Variants in EPHA5 observed in about 807,000 individuals in gnomAD.
EPHA5 encodes EPH receptor A5.
Under a neutral mutation model 105.0 loss-of-function variants are expected in EPHA5, and 60 were observed. That is an observed-to-expected ratio of 0.57 (90% CI 0.46 to 0.71). The LOEUF is 0.71. Ranked by LOEUF, EPHA5 falls within the 30% of genes least tolerant of loss-of-function variation. The pLI, the probability that EPHA5 is intolerant of heterozygous loss-of-function variation, is 0.00. For missense variants in EPHA5, 1,218 were observed against 1,274.7 expected (o/e 0.96, Z 0.68); for synonymous variants, 513 against 449.1 (o/e 1.14, Z -1.80).
At chr4:65,504,048 CATAA>C (rs1260575285) in intron 3 of EPHA5, among the ~76,000 whole-genome samples, 14 of 150,842 alleles carry the variant, frequency 9.3e-5, no homozygotes, top group African/African-American at 1.2e-4. Context: ...TAAATAAAAT[CATAA>C]ATAAAATAAA....
chr4:65,480,866 C>CGTT, intron 5 of EPHA5, among the ~76,000 whole-genome samples: 1 of 93,274 alleles, frequency 1.1e-5, no homozygotes, highest in African/African-American at 3.0e-5. Flanking sequence ...AGAATACAAA[C>CGTT]ATTAATAATA....
At position 65,477,090 on chromosome 4, in the gene EPHA5, A is replaced by G. The variant is rs74566418; in HGVS notation, c.1402+13287T>C. Among the ~76,000 whole-genome samples, 157 of 152,332 alleles carry G rather than the reference A, an allele frequency of 1.0e-3. 2 individuals are homozygous for G. In the East Asian group the frequency reaches 0.029, roughly 28 times the overall value. ...TGGTAAGAACTGTTGTGCTCCTAAG[A>G]AAAGATTCCAGAAAAATAGACAACA... On this transcript the variant is annotated intron_variant, in intron 5 of 16. Transcript: ENST00000613740.
At chr4:65,375,540 C>G (rs1434850347) in intron 8 of EPHA5, among the ~76,000 whole-genome samples, 2 of 151,772 alleles carry the variant, frequency 1.3e-5, no homozygotes, top group Non-Finnish European at 2.9e-5. Flanking sequence ...TTCAATCTGG[C>G]CAAAGCTAGC....
At chr4:65,574,639 TAC>T (rs1392913833) in intron 3 of EPHA5, among the ~76,000 whole-genome samples, 1,438 of 116,672 alleles carry the variant, frequency 0.012, 8 homozygotes, top group Non-Finnish European at 0.015. Context: ...CATATATATA[TAC>T]ACATATATAT....
chr4:65,546,619 A>G (rs1737398378), intron 3 of EPHA5, among the ~76,000 whole-genome samples: 2 of 151,962 alleles, frequency 1.3e-5, no homozygotes, highest in South Asian at 4.1e-4. Flanking sequence ...TTATAATTCC[A>G]GTTTTCTAAT....
At position 65,331,341 on chromosome 4, in the gene EPHA5, A is replaced by T. The variant is rs1041704322; in HGVS notation, c.2945+632T>A. 6.4e-5 allele frequency: 66 copies of T among 1,037,380 alleles called. No homozygotes were observed. In the African/African-American group the frequency reaches 1.1e-3, roughly 17 times the overall value. 64.3% of individuals were successfully genotyped at this position (1,037,380 alleles called of 1,614,324 possible). A position where few individuals can be genotyped will look rare whatever the true frequency, so the allele number is the denominator to read the frequency against. ...AAGAACTTAATATTTAACTCTAGTG[A>T]TTTTTATTTAATAAGGTTTGATAAA... On this transcript the variant is annotated intron_variant, in intron 16 of 16. Transcript: ENST00000613740.
intron 12 of EPHA5, among the ~76,000 whole-genome samples, chr4:65,352,140 A>T (rs1722877438): frequency 6.6e-6 from 1 of 152,018 alleles, no homozygotes; most frequent in African/African-American, 2.4e-5. Context: ...ATAAGGCTCA[A>T]TGGATGGCTA....
At chr4:65,359,205 C>T (rs1377503215) in intron 11 of EPHA5, among the ~76,000 whole-genome samples, 4 of 151,330 alleles carry the variant, frequency 2.6e-5, no homozygotes, top group African/African-American at 4.8e-5. Context: ...TTTTAGTGTA[C>T]GTGTATTTAT....
intron 13 of EPHA5, among the ~76,000 whole-genome samples, chr4:65,348,941 G>A (rs1484215735): frequency 2.0e-5 from 3 of 147,014 alleles, no homozygotes; most frequent in Non-Finnish European, 1.5e-5. Flanking sequence ...TCAGCCTCCC[G>A]AGTAGCTGGG....
At chr4:65,393,638 G>A (rs753585760) in intron 8 of EPHA5, among the ~76,000 whole-genome samples, 5 of 152,132 alleles carry the variant, frequency 3.3e-5, no homozygotes, top group Non-Finnish European at 5.9e-5. Context: ...CTTGAATTAT[G>A]TCTCAATTGC....
chr4:65,637,422 T>C lies in EPHA5; in HGVS notation c.246+5941A>G, dbSNP rs1308333330. Among the ~76,000 whole-genome samples the C allele has an allele frequency of 3.3e-5, 5 of 151,564 alleles. No homozygotes were observed. The East Asian group carries it at 9.7e-4, about 29-fold the overall frequency. ...CTCCTATATGGCAGTTTTACTCAGCTTTGGACTATTCAAGCTATGAAAGGC... is the reference window on the plus strand; with the variant it reads ...CTCCTATATGGCAGTTTTACTCAGCCTTGGACTATTCAAGCTATGAAAGGC... On this transcript the variant is annotated intron_variant, in intron 2 of 16. Coordinates refer to ENST00000613740, the MANE Select transcript of EPHA5 (RefSeq NM_001281766.3).
intron 2 of EPHA5, among the ~76,000 whole-genome samples, chr4:65,603,107 C>T (rs775382717): frequency 1.5e-4 from 23 of 151,990 alleles, no homozygotes; most frequent in Non-Finnish European, 2.2e-4. Flanking sequence ...TTATTTTATG[C>T]ATATGGCCTT....
At chr4:65,426,854 G>A (rs1440268822) in intron 5 of EPHA5, among the ~76,000 whole-genome samples, 3 of 151,622 alleles carry the variant, frequency 2.0e-5, no homozygotes, top group Non-Finnish European at 4.4e-5. Context: ...TTTGTTTTTG[G>A]CACAGCACAA....
At chr4:65,330,588 C>A (rs752468635) in intron 16 of EPHA5, 8 of 459,398 alleles carry the variant, frequency 1.7e-5, no homozygotes, top group Non-Finnish European at 2.3e-5. Flanking sequence ...TATATATTTA[C>A]AAGTAATCTG....
chr4:65,456,180 AG>A (rs1406939798), intron 5 of EPHA5, among the ~76,000 whole-genome samples: 1 of 152,216 alleles, frequency 6.6e-6, no homozygotes, highest in Admixed American at 6.5e-5. Context: ...ATGCCCTAAC[AG>A]TGCTCTGCTA....
At chr4:65,380,881 CCTATTG>C (rs1719494351) in intron 8 of EPHA5, among the ~76,000 whole-genome samples, 1 of 151,588 alleles carries the variant, frequency 6.6e-6, no homozygotes, top group Non-Finnish European at 1.5e-5. Context: ...ATGCTTTGGC[CCTATTG>C]TTTCACAAAA....
intron 3 of EPHA5, among the ~76,000 whole-genome samples, chr4:65,582,489 G>T (rs13118799): frequency 7.1e-6 from 1 of 141,480 alleles, no homozygotes; most frequent in South Asian, 2.3e-4. Flanking sequence ...AAAAAAAAAA[G>T]AAAATCCAGA....
At chr4:65,551,970 C>T (rs577129341) in intron 3 of EPHA5, among the ~76,000 whole-genome samples, 35 of 152,112 alleles carry the variant, frequency 2.3e-4, no homozygotes, top group Admixed American at 9.8e-4. Flanking sequence ...ACTGGTGGCA[C>T]GAAAATACAA....
chr4:65,380,993 T>C (rs1242284025), intron 8 of EPHA5, among the ~76,000 whole-genome samples: 1 of 151,684 alleles, frequency 6.6e-6, no homozygotes, highest in African/African-American at 2.4e-5. Flanking sequence ...ACTGATGAAA[T>C]GAGATAATAA....
Sources: allele counts gnomAD v4.1 joint callset (sites outside exome capture counted in the v4.1 genomes callset), GRCh38; gene constraint gnomAD v4.1.1; transcripts MANE v1.5; gene names NCBI Gene and HGNC (gene_info 2026-07-23, HGNC 2026-07-21).